The following PPP2R2A variants were observed in gnomAD, a reference collection of about 807,000 sequenced individuals.
The protein encoded by PPP2R2A is serine/threonine-protein phosphatase 2A 55 kDa regulatory subunit B alpha isoform.
Under a neutral mutation model 53.2 loss-of-function variants are expected in PPP2R2A, and 9 were observed. The observed-to-expected ratio is 0.17, with a 90% CI of 0.10 to 0.30. The LOEUF is 0.30. PPP2R2A is among the 10% of genes least tolerant of loss of function. PPP2R2A has a pLI of 1.00. For synonymous variants in PPP2R2A, 169 were observed against 174.2 expected (o/e 0.97, Z 0.23); for missense variants, 235 against 534.6 (o/e 0.44, Z 5.53).
chr8:26,291,737 C>A lies in PPP2R2A; in HGVS notation c.-83C>A. On this transcript the variant is annotated 5_prime_UTR_variant, in exon 1 of 10. Transcript: ENST00000380737. ...CATCCGCCGCCATCCGCCCTCTCTA[C>A]CCCCCCATCCCCAGGTGAGGGGGGT... The A allele has an allele frequency of 8.2e-7, 1 of 1,218,556 alleles. No homozygotes were observed. Among genetic ancestry groups the A allele is most frequent in the Non-Finnish European group, 1.1e-6 (1 of 874,524 alleles). 75.5% of individuals were successfully genotyped at this position (1,218,556 alleles called of 1,614,324 possible).
intron 2 of PPP2R2A, among the ~76,000 whole-genome samples, chr8:26,316,064 G>T (rs1333965878): frequency 6.6e-6 from 1 of 152,142 alleles, no homozygotes; most frequent in African/African-American, 2.4e-5. Context: ...GAGTACAACG[G>T]TGCGACCTCG....
chr8:26,293,157 A>T, intron 1 of PPP2R2A: 2 of 1,320,000 alleles, frequency 1.5e-6, no homozygotes, highest in Non-Finnish European at 2.1e-6. Flanking sequence ...ATTTGCTGGT[A>T]ATGAATGCAA....
intron 2 of PPP2R2A, among the ~76,000 whole-genome samples, chr8:26,323,371 TC>T (rs904180645): frequency 4.9e-4 from 75 of 152,144 alleles, no homozygotes; most frequent in African/African-American, 1.7e-3. Context: ...CAGCTGGGTG[TC>T]CCCCCATTCA....
chr8:26,291,961 G>A (rs1393937707), intron 1 of PPP2R2A, 135 bp downstream of exon 1: 10 of 1,275,484 alleles, frequency 7.8e-6, no homozygotes, highest in Middle Eastern at 2.6e-4. Context: ...AGGGTCCAGA[G>A]GGGTGGGGTG....
chr8:26,340,508 C>T (rs962064821), intron 3 of PPP2R2A, among the ~76,000 whole-genome samples: 6 of 151,940 alleles, frequency 3.9e-5, no homozygotes, highest in Admixed American at 1.3e-4. Context: ...GAGAAAAACT[C>T]GTAAAAATTG....
At chr8:26,334,895 T>G (rs1031019639) in intron 2 of PPP2R2A, among the ~76,000 whole-genome samples, 1 of 152,202 alleles carries the variant, frequency 6.6e-6, no homozygotes, top group Non-Finnish European at 1.5e-5. Flanking sequence ...TCTAAAAACC[T>G]GGATACCAGT....
intron 3 of PPP2R2A, among the ~76,000 whole-genome samples, chr8:26,352,079 G>A (rs1226443853): frequency 6.6e-6 from 1 of 152,180 alleles, no homozygotes; most frequent in Non-Finnish European, 1.5e-5. Flanking sequence ...GATTCTCATA[G>A]TGATCATAAA....
intron 8 of PPP2R2A, chr8:26,365,679 CTT>C (rs1440365526): frequency 6.6e-6 from 1 of 151,890 alleles, no homozygotes; most frequent in African/African-American, 2.4e-5. Context: ...CTAGTTTATC[CTT>C]TTTTGACATA....
At chr8:26,333,845 A>C (rs1326395221) in intron 2 of PPP2R2A, among the ~76,000 whole-genome samples, 1 of 152,204 alleles carries the variant, frequency 6.6e-6, no homozygotes, top group East Asian at 1.9e-4. Context: ...TTCCACTCAC[A>C]AAAGAAAGCA....
At chr8:26,342,810 T>G (rs1449333513) in intron 3 of PPP2R2A, among the ~76,000 whole-genome samples, 1 of 152,198 alleles carries the variant, frequency 6.6e-6, no homozygotes, top group African/African-American at 2.4e-5. Flanking sequence ...AAAAGCATGC[T>G]TTTCACAAAA....
At chr8:26,313,683 G>GGGAGGCAAGAAAATCAAAGGA (rs1802401538) in intron 2 of PPP2R2A, among the ~76,000 whole-genome samples, 1 of 152,262 alleles carries the variant, frequency 6.6e-6, no homozygotes, top group East Asian at 1.9e-4. Flanking sequence ...TGCTATAAAA[G>GGGAGGCAAGAAAATCAAAGGA]GGAGGCAAGA....
intron 1 of PPP2R2A, chr8:26,292,077 G>C: frequency 3.3e-6 from 4 of 1,198,036 alleles, no homozygotes; most frequent in Non-Finnish European, 4.2e-6. Flanking sequence ...GTGCCGGCGA[G>C]CTTGGGGTGA....
chr8:26,308,762 C>A (rs890472894), intron 2 of PPP2R2A, among the ~76,000 whole-genome samples: 1 of 152,196 alleles, frequency 6.6e-6, no homozygotes, highest in Non-Finnish European at 1.5e-5. Context: ...TTCTTAATGG[C>A]ATCTAGAATG....
At chr8:26,291,964 G>T (rs1801316813) in intron 1 of PPP2R2A, 138 bp downstream of exon 1, 2 of 1,246,666 alleles carry the variant, frequency 1.6e-6, no homozygotes, top group Non-Finnish European at 2.2e-6. Flanking sequence ...GTCCAGAGGG[G>T]TGGGGTGGGG....
intron 6 of PPP2R2A, among the ~76,000 whole-genome samples, 180 bp downstream of exon 6, chr8:26,361,331 C>T (rs1805071662): frequency 6.6e-6 from 1 of 152,128 alleles, no homozygotes; most frequent in South Asian, 2.1e-4. Context: ...ATTTGCTAAA[C>T]ATAAAGGGCA....
At chr8:26,311,377 A>G (rs1802284870) in intron 2 of PPP2R2A, among the ~76,000 whole-genome samples, 3 of 152,248 alleles carry the variant, frequency 2.0e-5, no homozygotes, top group Non-Finnish European at 2.9e-5. Context: ...TATACGTTAC[A>G]TTAATGACTA....
At chr8:26,369,492 A>G (rs1024317595) in intron 9 of PPP2R2A, among the ~76,000 whole-genome samples, 1 of 151,336 alleles carries the variant, frequency 6.6e-6, no homozygotes, top group East Asian at 2.0e-4. Context: ...CCGGGTTCAC[A>G]CCATTCTCCT....
chr8:26,333,538 C>T, intron 2 of PPP2R2A: 1 of 1,205,868 alleles, frequency 8.3e-7, no homozygotes, highest in Non-Finnish European at 1.1e-6. Flanking sequence ...CAAAGAGTGA[C>T]TCCATAAAGT....
intron 2 of PPP2R2A, chr8:26,298,713 C>T (rs1207294867): frequency 6.6e-6 from 1 of 152,170 alleles, no homozygotes; most frequent in African/African-American, 2.4e-5. Context: ...TAATGAACCC[C>T]TGTCACCCGG....
Sources: gnomAD v4.1 joint callset for allele counts (sites outside exome capture counted in the v4.1 genomes callset) on GRCh38, gnomAD v4.1.1 for gene constraint, MANE v1.5 for transcripts, NCBI Gene and HGNC (gene_info 2026-07-23, HGNC 2026-07-21) for gene names.